ADCY7: variants seen among roughly 807,000 people sequenced by gnomAD.
ADCY7 encodes the protein adenylate cyclase 7.
In ADCY7, 72 loss-of-function variants were observed where a neutral mutation model predicts 120.6. The observed-to-expected ratio is 0.60, with a 90% CI of 0.49 to 0.73. The LOEUF is 0.73. Among genes scored for constraint, ADCY7 ranks in the 30% least tolerant of loss-of-function variants. ADCY7 has a pLI of 0.00. For synonymous variants in ADCY7, 661 were observed against 628.0 expected, an observed-to-expected ratio of 1.05 and a Z score of -0.78; for missense variants, 1,227 against 1,486.0, an observed-to-expected ratio of 0.83 and a Z score of 2.87.
At chr16:50,262,637 C>T (rs1441920925), upstream of ADCY7, among the ~76,000 whole-genome samples, 2 of 152,166 alleles carry the variant, frequency 1.3e-5, no homozygotes, top group Non-Finnish European at 2.9e-5. Flanking sequence ...GGCTTCTCCC[C>T]AGAGCTTTAT....
intron 1 of ADCY7, among the ~76,000 whole-genome samples, chr16:50,253,981 CTCTG>C (rs1339243789): frequency 1.3e-5 from 2 of 152,202 alleles, no homozygotes; most frequent in Non-Finnish European, 2.9e-5. Flanking sequence ...CTCTGTCTCT[CTCTG>C]TCTGTCTCTC....
chr16:50,302,319 C>A (rs1029286879), intron 10 of ADCY7, among the ~76,000 whole-genome samples: 1 of 152,118 alleles, frequency 6.6e-6, no homozygotes, highest in African/African-American at 2.4e-5. Context: ...CCCCCCACCC[C>A]GTGCTGAGAT....
At chr16:50,267,012 C>A (rs931383188) in intron 1 of ADCY7, among the ~76,000 whole-genome samples, 1 of 152,164 alleles carries the variant, frequency 6.6e-6, no homozygotes, top group Admixed American at 6.5e-5. Context: ...CACTCCTTCT[C>A]GAGGGTGTAA....
At chr16:50,308,824 G>A (rs1336428759) in intron 17 of ADCY7, 32 bp downstream of exon 17, 5 of 1,578,264 alleles carry the variant, frequency 3.2e-6, no homozygotes, top group African/African-American at 2.7e-5. Flanking sequence ...CAGGCCTCCG[G>A]GGTAGAGGGA....
chr16:50,244,811 C>G (rs551838861), upstream of ADCY7, among the ~76,000 whole-genome samples: 1 of 152,306 alleles, frequency 6.6e-6, no homozygotes, highest in East Asian at 1.9e-4. Flanking sequence ...ACGGGGAGGC[C>G]GATGAGTAGT....
At chr16:50,274,479 C>T (rs1323031856) in intron 1 of ADCY7, among the ~76,000 whole-genome samples, 1 of 152,048 alleles carries the variant, frequency 6.6e-6, no homozygotes, top group East Asian at 1.9e-4. Context: ...GCTTCCCCTG[C>T]AGAAGGGCTC....
intron 8 of ADCY7, among the ~76,000 whole-genome samples, chr16:50,299,287 T>C (rs1318345111): frequency 6.6e-6 from 1 of 152,142 alleles, no homozygotes; most frequent in Non-Finnish European, 1.5e-5. Flanking sequence ...TGATGTGAGG[T>C]CAGGGCGGTG....
intron 1 of ADCY7, among the ~76,000 whole-genome samples, chr16:50,249,763 AGGT>A (rs2032699341): frequency 6.6e-6 from 1 of 151,760 alleles, no homozygotes; most frequent in African/African-American, 2.4e-5. Flanking sequence ...CTGCTGGGGG[AGGT>A]GGTGGGCATC....
chr16:50,250,225 G>T (rs1015573457), intron 1 of ADCY7, among the ~76,000 whole-genome samples: 2 of 152,204 alleles, frequency 1.3e-5, no homozygotes, highest in Middle Eastern at 3.2e-3. Context: ...GGAGGCCGAG[G>T]CGGGCGGATC....
chr16:50,278,848 C>T (rs1287163893), intron 1 of ADCY7, among the ~76,000 whole-genome samples: 1 of 144,536 alleles, frequency 6.9e-6, no homozygotes, highest in East Asian at 2.1e-4. Flanking sequence ...TCCATGGGCC[C>T]GTGAAATGGA....
Position 50,290,482 on chromosome 16 carries a change from T to G in ADCY7, c.197T>G (p.Leu66Arg), listed in dbSNP as rs1205111120. The G allele has an allele frequency of 6.2e-7, 1 of 1,614,250 alleles. No homozygotes were observed. Among genetic ancestry groups the G allele is most frequent in the Admixed American group, 1.7e-5 (1 of 60,032 alleles). The change falls in exon 3 of 26, where the codon CTG becomes CGG. Residue 66 changes from leucine to arginine, a missense_variant. Leu to Arg is a moderately radical substitution (Grantham distance 102, BLOSUM62 -2). Coordinates refer to ENST00000673801, the MANE Select transcript of ADCY7 (RefSeq NM_001114.5). ...QGDPSRHQAI[L>R]GMAFLVLAVF... The stretch of plus-strand genomic sequence containing the variant: ...GACCCCTCCAGACACCAGGCCATTC[T>G]GGGCATGGCGTTCCTGGTGCTGGCG...
At chr16:50,290,144 A>G (rs1285001545) in intron 2 of ADCY7, among the ~76,000 whole-genome samples, 5 of 152,212 alleles carry the variant, frequency 3.3e-5, no homozygotes, top group African/African-American at 1.2e-4. Context: ...TGCTTGTGGT[A>G]TCACCTGCGG....
chr16:50,259,961 C>T (rs535773134), intron 1 of ADCY7, among the ~76,000 whole-genome samples: 1 of 152,184 alleles, frequency 6.6e-6, no homozygotes, highest in Non-Finnish European at 1.5e-5. Context: ...GAATGTTCCC[C>T]GCCTCCCAGC....
intron 1 of ADCY7, among the ~76,000 whole-genome samples, chr16:50,279,202 A>G (rs1451527861): frequency 1.3e-5 from 2 of 152,096 alleles, no homozygotes; most frequent in Non-Finnish European, 2.9e-5. Flanking sequence ...TCCCAGCCCC[A>G]TTCATGTCTT....
chr16:50,310,869 C>T lies in ADCY7; in HGVS notation c.2343C>T (p.Asn781=), dbSNP rs771534762. 83 of 1,605,662 alleles carry T rather than the reference C, an allele frequency of 5.2e-5. No homozygotes were observed. In the East Asian group the frequency reaches 8.3e-4, roughly 16 times the overall value. ...GCCTGGGCAACCTCACCAAGCCCAA[C>T]GGCACCACCAGGTGGGGTCCCGCCC... is the stretch of plus-strand genomic sequence containing the variant. ...GQGLGNLTKP[N]GTTSGTPSCS... is the part of the protein sequence containing the mutation. The change falls in exon 19 of 26, where the codon AAC becomes AAT. Residue 781 remains asparagine (N), a synonymous_variant. Transcript: ENST00000673801.
At chr16:50,314,140 C>A in intron 23 of ADCY7, 78 bp downstream of exon 23, 2 of 1,475,318 alleles carry the variant, frequency 1.4e-6, no homozygotes, top group Admixed American at 1.7e-5. Flanking sequence ...AAAGGGTGTG[C>A]CCTTATCTCG....
chr16:50,291,627 G>A, intron 3 of ADCY7, 109 bp from the exon 4 acceptor site: 1 of 1,333,292 alleles, frequency 7.5e-7, no homozygotes, highest in Non-Finnish European at 1.1e-6. Flanking sequence ...TGGCGAGGGA[G>A]CCAACCTAAG....
intron 2 of ADCY7, chr16:50,289,124 T>G (rs1294072815): frequency 1.1e-5 from 3 of 283,662 alleles, no homozygotes; most frequent in African/African-American, 7.0e-5. Context: ...CCTGTACCCA[T>G]GCAGACATCA....
At position 50,311,803 on chromosome 16, in the gene ADCY7, C is replaced by CA. The variant is rs751779192; in HGVS notation, c.2448+17_2448+18insA. 5.2e-4 allele frequency: 424 copies of CA among 817,040 alleles called. No homozygotes were observed. The South Asian group carries it at 8.7e-3, about 17-fold the overall frequency. 50.6% of individuals were successfully genotyped at this position (817,040 alleles called of 1,614,324 possible). A position where few individuals can be genotyped will look rare whatever the true frequency, so the allele number is the denominator to read the frequency against. On this transcript the variant is annotated intron_variant, in intron 20 of 25. Coordinates refer to ENST00000673801, the MANE Select transcript of ADCY7 (RefSeq NM_001114.5). ...TCCAGACAGGTAAGGAGGCTGGCCC[C>CA]CCCCCCCCCCCCAAGCTCTGCCCAC...
Sources: allele counts gnomAD v4.1 joint callset (sites outside exome capture counted in the v4.1 genomes callset), GRCh38; gene constraint gnomAD v4.1.1; transcripts MANE v1.5; gene names NCBI Gene and HGNC (gene_info 2026-07-23, HGNC 2026-07-21).